NUB1: variants seen among roughly 807,000 people sequenced by gnomAD.
NUB1 encodes the protein NEDD8 ultimate buster 1.
A neutral mutation model predicts 77.1 loss-of-function variants in NUB1; 41 were observed. That is an observed-to-expected ratio of 0.53 (90% CI 0.41 to 0.69). The LOEUF is 0.69. NUB1 is among the 30% of genes least tolerant of loss of function. The pLI is 0.00. For synonymous variants in NUB1, 257 were observed against 281.0 expected, an observed-to-expected ratio of 0.91 and a Z score of 0.85; for missense variants, 643 against 743.8, an observed-to-expected ratio of 0.86 and a Z score of 1.58.
At chr7:151,352,931 A>G (rs767641411) in intron 5 of NUB1, 49 bp downstream of exon 5, 29 of 978,402 alleles carry the variant, frequency 3.0e-5, no homozygotes, top group Non-Finnish European at 4.3e-5. Context: ...AAATATAGAA[A>G]TAATGACTTC....
At chr7:151,354,715 A>T (rs926218631) in intron 5 of NUB1, among the ~76,000 whole-genome samples, 2 of 152,210 alleles carry the variant, frequency 1.3e-5, no homozygotes, top group Non-Finnish European at 2.9e-5. Flanking sequence ...CCACAGAGTT[A>T]AAACGGTAGA....
rs976818975 is a variant in NUB1, at chr7:151,374,190, G to A, written c.1342G>A (p.Ala448Thr). 1.7e-5 allele frequency: 26 copies of A among 1,573,064 alleles called. No individual in the cohort carries two copies. Among genetic ancestry groups the A allele is most frequent in the East Asian group, 2.4e-5 (1 of 42,296 alleles). The change falls in exon 12 of 15, where the codon GCG (alanine) becomes ACG (threonine). Residue 448 changes from alanine to threonine, a missense_variant. By Grantham distance (58) the Ala-to-Thr change is moderately conservative. Transcript: ENST00000568733. The stretch of plus-strand genomic sequence containing the variant: ...GAAAGGGATGGGCTACTCCACGCAC[G>A]CGGCCCAGCAGGTACTCCACGCAGC... ...FLKGMGYSTH[A>T]AQQVLHAASG... is the part of the protein sequence containing the mutation.
intron 8 of NUB1, among the ~76,000 whole-genome samples, chr7:151,361,771 G>A (rs1264824525): frequency 1.3e-5 from 2 of 152,086 alleles, no homozygotes; most frequent in East Asian, 1.9e-4. Context: ...GGGAGGGGCC[G>A]GGCTGGGAAT....
At chr7:151,363,194 T>C (rs1231519542) in intron 8 of NUB1, among the ~76,000 whole-genome samples, 1 of 151,968 alleles carries the variant, frequency 6.6e-6, no homozygotes, top group Non-Finnish European at 1.5e-5. Flanking sequence ...ACACAGAAGA[T>C]AGAATTAGTA....
chr7:151,376,742 C>T lies in NUB1; in HGVS notation c.1600C>T (p.Pro534Ser). ...QTLAHNGGSL[P>S]PELPLSPEDS... ...CCTTGCTCACAACGGAGGAAGCCTGCCTCCCGAGCTGCCGCTGTCGCCAGA... is the reference window on the plus strand; with the variant it reads ...CCTTGCTCACAACGGAGGAAGCCTGTCTCCCGAGCTGCCGCTGTCGCCAGA... The change falls in exon 14 of 15, where the codon CCT (proline) becomes TCT (serine). Residue 534 changes from proline (P) to serine (S), a missense_variant. By Grantham distance (74) the Pro-to-Ser change is moderately conservative. Coordinates refer to ENST00000568733, the MANE Select transcript of NUB1 (RefSeq NM_001243351.2). The T allele has an allele frequency of 6.2e-7, 1 of 1,600,628 alleles. No homozygotes were observed. Among genetic ancestry groups the T allele is most frequent in the Non-Finnish European group, 8.5e-7 (1 of 1,174,588 alleles).
Position 151,360,174 on chromosome 7 carries a change from G to C in NUB1, c.727G>C (p.Gly243Arg). Residue 243 changes from glycine to arginine, a missense_variant, in exon 8 of 15, where the codon GGC (glycine) becomes CGC (arginine). Coordinates refer to ENST00000568733, the MANE Select transcript of NUB1 (RefSeq NM_001243351.2). Reference protein sequence around the residue: ...LMLAMGYHEKGRAFLKRKEYG... With the variant: ...LMLAMGYHEKRRAFLKRKEYG... ...GTTAGCTATGGGATATCATGAGAAGGGCAGAGCTTTCCTGAAAAGAAAAGA... is the reference window on the plus strand; with the variant it reads ...GTTAGCTATGGGATATCATGAGAAGCGCAGAGCTTTCCTGAAAAGAAAAGA... 2.5e-6 allele frequency: 4 copies of C among 1,607,144 alleles called. No homozygotes were observed. Among genetic ancestry groups the C allele is most frequent in the Non-Finnish European group, 3.4e-6 (4 of 1,173,842 alleles).
At chr7:151,368,940 A>G in intron 11 of NUB1, 53 bp downstream of exon 11, 1 of 1,534,862 alleles carries the variant, frequency 6.5e-7, no homozygotes, top group East Asian at 2.3e-5. Flanking sequence ...ACAAAAAAAG[A>G]TAATCCCACA....
chr7:151,365,496 A>G (rs916973033), intron 8 of NUB1, among the ~76,000 whole-genome samples: 8 of 152,258 alleles, frequency 5.3e-5, no homozygotes, highest in Non-Finnish European at 1.2e-4. Flanking sequence ...GTTCGGCCAC[A>G]TGCCCATTGC....
chr7:151,358,896 C>T (rs1797215009), intron 7 of NUB1, among the ~76,000 whole-genome samples: 1 of 150,894 alleles, frequency 6.6e-6, no homozygotes, highest in African/African-American at 2.4e-5. Flanking sequence ...AACCCCATCT[C>T]TACTAAAAAT....
intron 8 of NUB1, among the ~76,000 whole-genome samples, chr7:151,366,241 G>A (rs1197624230): frequency 1.3e-5 from 2 of 152,182 alleles, no homozygotes; most frequent in Non-Finnish European, 2.9e-5. Context: ...AATTTTGCCT[G>A]CACACAGGCC....
intron 5 of NUB1, among the ~76,000 whole-genome samples, chr7:151,353,257 C>G (rs1386548411): frequency 6.6e-6 from 1 of 152,040 alleles, no homozygotes; most frequent in Non-Finnish European, 1.5e-5. Flanking sequence ...AGCCTTATGT[C>G]AGAGCACTAT....
At chr7:151,352,748 CT>C in intron 4 of NUB1, 63 bp from the exon 5 acceptor site, 2 of 1,096,972 alleles carry the variant, frequency 1.8e-6, no homozygotes, top group South Asian at 1.3e-5. Flanking sequence ...TGGCTAATGT[CT>C]TTTTAATGGA....
intron 11 of NUB1, 108 bp from the exon 12 acceptor site, chr7:151,373,989 G>C: frequency 1.6e-6 from 2 of 1,270,798 alleles, no homozygotes; most frequent in East Asian, 2.5e-5. Context: ...GCTTTGCTTT[G>C]GTTTTTTGGC....
At chr7:151,354,584 A>C (rs1186401413) in intron 5 of NUB1, among the ~76,000 whole-genome samples, 2 of 152,098 alleles carry the variant, frequency 1.3e-5, no homozygotes, top group Non-Finnish European at 2.9e-5. Context: ...TAATTTATTC[A>C]TGGAGCCAGC....
rs1317490984 is a variant in NUB1 at position 151,367,039 on chromosome 7, G to C, written c.901G>C (p.Asp301His). ...YFRLEQLECL[D>H]DAEKKLNLAQ... ...CCGCCTGGAACAGCTGGAATGCCTT[G>C]ATGATGCAGAAAAAAAATTAAACTT... Residue 301 changes from aspartate to histidine, a missense_variant, in exon 9 of 15, where the codon GAT (aspartate) becomes CAT (histidine). By Grantham distance (81) the Asp-to-His change is moderately conservative (BLOSUM62 -1). Transcript: ENST00000568733. 4 of 1,613,720 alleles carry C rather than the reference G, an allele frequency of 2.5e-6. No homozygotes were observed. The highest frequency in any genetic ancestry group is 3.4e-6 in the Non-Finnish European group (4 of 1,179,848).
At chr7:151,368,966 A>G in intron 11 of NUB1, 79 bp downstream of exon 11, 4 of 1,407,142 alleles carry the variant, frequency 2.8e-6, no homozygotes, top group Non-Finnish European at 3.8e-6. Context: ...GTTAATAACC[A>G]GGAACTCTTT....
At chr7:151,348,980 AG>A (rs1236656092) in intron 2 of NUB1, 92 bp from the exon 3 acceptor site, 5 of 1,147,136 alleles carry the variant, frequency 4.4e-6, no homozygotes, top group South Asian at 2.7e-5. Flanking sequence ...TCCACTCATC[AG>A]AGTTGATGGC....
chr7:151,363,842 A>G (rs1369118874), intron 8 of NUB1, among the ~76,000 whole-genome samples: 1 of 151,778 alleles, frequency 6.6e-6, no homozygotes, highest in Non-Finnish European at 1.5e-5. Context: ...CAGTGACGCA[A>G]TCTTAGTTTA....
At chr7:151,342,025 G>T in intron 1 of NUB1, 179 bp downstream of exon 1, 1 of 1,190,104 alleles carries the variant, frequency 8.4e-7, no homozygotes, top group Non-Finnish European at 1.1e-6. Flanking sequence ...GCGGTGGGCC[G>T]GGCTTCGGGA....
Sources: allele counts gnomAD v4.1 joint callset (sites outside exome capture counted in the v4.1 genomes callset), GRCh38; gene constraint gnomAD v4.1.1; transcripts MANE v1.5; gene names NCBI Gene and HGNC (gene_info 2026-07-23, HGNC 2026-07-21).